The following TGFBRAP1 variants were observed in gnomAD, a reference collection of about 807,000 sequenced individuals.
TGFBRAP1 encodes transforming growth factor-beta receptor-associated protein 1.
A neutral mutation model predicts 83.2 loss-of-function variants in TGFBRAP1; 20 were observed. The observed-to-expected ratio is 0.24, with a 90% CI of 0.17 to 0.35. TGFBRAP1 has a LOEUF of 0.35. Ranked by LOEUF, TGFBRAP1 falls within the 10% of genes least tolerant of loss-of-function variation. The pLI is 1.00. For missense variants in TGFBRAP1, 950 were observed against 1,099.4 expected (o/e 0.86, Z 1.92); for synonymous variants, 415 against 459.8 (o/e 0.90, Z 1.25).
chr2:105,283,420 G>A (rs757011323), intron 5 of TGFBRAP1, among the ~76,000 whole-genome samples: 13 of 152,338 alleles, frequency 8.5e-5, no homozygotes, highest in Non-Finnish European at 1.6e-4. Flanking sequence ...AGGCAAGGGA[G>A]GCATTCTGCT....
intron 4 of TGFBRAP1, among the ~76,000 whole-genome samples, chr2:105,294,907 T>G (rs558273542): frequency 5.5e-4 from 81 of 148,100 alleles, no homozygotes; most frequent in African/African-American, 2.0e-3. Flanking sequence ...AACCTTGGAA[T>G]GTGGCCCCCC....
At chr2:105,325,552 C>T (rs1679202534) in intron 1 of TGFBRAP1, among the ~76,000 whole-genome samples, 2 of 152,114 alleles carry the variant, frequency 1.3e-5, no homozygotes, top group Admixed American at 1.3e-4. Flanking sequence ...AAAGCAACAA[C>T]TCTCAGCAGG....
intron 2 of TGFBRAP1, among the ~76,000 whole-genome samples, chr2:105,302,009 T>TAAAAAAAAAAAAAAAAAAAAAACA (rs35548542): frequency 2.7e-5 from 2 of 75,112 alleles, no homozygotes; most frequent in South Asian, 5.4e-4. Context: ...TAAAGAATAC[T>TAAAAAAAAAAAAAAAAAAAAAACA]AAAAAAAAAA....
chr2:105,298,707 TAGA>T lies in TGFBRAP1; in HGVS notation c.689-5_689-3del. The stretch of plus-strand genomic sequence containing the variant: ...TCCCTGCGACTGTGGCAAACATGCC[TAGA>T]AGTAAGAAGAAAGAGTTAGGTAGGC... On this transcript the variant is annotated splice_region_variant and splice_polypyrimidine_tract_variant and intron_variant, in intron 2 of 11. Coordinates refer to ENST00000393359, the MANE Select transcript of TGFBRAP1 (RefSeq NM_004257.6). 1 of 1,564,670 alleles carries T rather than the reference TAGA, an allele frequency of 6.4e-7. No homozygotes were observed. The highest frequency in any genetic ancestry group is 8.7e-7 in the Non-Finnish European group (1 of 1,149,310).
intron 4 of TGFBRAP1, among the ~76,000 whole-genome samples, chr2:105,295,806 T>C (rs1678069515): frequency 1.2e-5 from 1 of 84,812 alleles, no homozygotes; most frequent in Non-Finnish European, 2.2e-5. Context: ...CGAGACTCCA[T>C]CTCAAAAAAA....
chr2:105,307,504 C>G, intron 2 of TGFBRAP1, 110 bp downstream of exon 2: 1 of 1,181,748 alleles, frequency 8.5e-7, no homozygotes, highest in Non-Finnish European at 1.2e-6. Flanking sequence ...CACACACGCC[C>G]AATGTCACTG....
chr2:105,254,023 C>G, the TGFBRAP1 span, among the ~76,000 whole-genome samples: 1 of 150,394 alleles, frequency 6.6e-6, no homozygotes, highest in African/African-American at 2.4e-5. Flanking sequence ...TGATATGCCT[C>G]TGATACTTAA....
chr2:105,296,599 G>T, intron 3 of TGFBRAP1, 89 bp from the exon 4 acceptor site: 1 of 1,421,556 alleles, frequency 7.0e-7, no homozygotes, highest in Non-Finnish European at 9.4e-7. Context: ...ATCATTACCT[G>T]ATTTGTTCAA....
At chr2:105,271,137 G>A (rs1214677029) in intron 10 of TGFBRAP1, among the ~76,000 whole-genome samples, 1 of 152,210 alleles carries the variant, frequency 6.6e-6, no homozygotes, top group African/African-American at 2.4e-5. Context: ...TCCACCCCAA[G>A]GCACAGCTCG....
the TGFBRAP1 span, among the ~76,000 whole-genome samples, chr2:105,250,193 T>G: frequency 6.6e-6 from 1 of 152,196 alleles, no homozygotes; most frequent in East Asian, 1.9e-4. Context: ...CTTATCTGTG[T>G]GAGAAACACT....
At chr2:105,255,798 G>A in the TGFBRAP1 span, among the ~76,000 whole-genome samples, 1 of 152,058 alleles carries the variant, frequency 6.6e-6, no homozygotes, top group Admixed American at 6.6e-5. Flanking sequence ...CCAATCCTAA[G>A]CCTGCTCACC....
rs60031957 is a variant in TGFBRAP1 at position 105,296,756 on chromosome 2, C to CTTTTTTTTTTTTTT, written c.884-260_884-247dup. ...ATAATATCTTGCTTTCTTTTTTTGC[C>CTTTTTTTTTTTTTT]TTTTTTTTTTTTTTTTTTTTTTTTT... On this transcript the variant is annotated intron_variant, in intron 3 of 11. Transcript: ENST00000393359. Among the ~76,000 whole-genome samples, 14 of 73,214 alleles carry CTTTTTTTTTTTTTT rather than the reference C, an allele frequency of 1.9e-4. 1 individual carries two copies. The highest frequency in any genetic ancestry group is 9.5e-4 in the East Asian group (2 of 2,096). The allele number at this position is 73,214 out of a possible 152,430, so 48.0% of individuals were successfully genotyped here. A position where few individuals can be genotyped will look rare whatever the true frequency, so the allele number is the denominator to read the frequency against.
chr2:105,267,536 G>A lies in TGFBRAP1; in HGVS notation c.2430C>T (p.Ile810=). 6.2e-7 allele frequency: 1 copy of A among 1,614,204 alleles called. No individual in the cohort carries two copies. The highest frequency in any genetic ancestry group is 8.5e-7 in the Non-Finnish European group (1 of 1,180,040). ...GACAAAGCTTTTTGTCTGAGAGTTG[G>A]ATTGAGCTTCCTTTCAACTTCATCT... ...YDKMKLKGSS[I]QLSDKKLCQI... The change falls in exon 12 of 12, where the codon ATC becomes ATT. Residue 810 remains isoleucine, a synonymous_variant. Coordinates refer to ENST00000393359, the MANE Select transcript of TGFBRAP1 (RefSeq NM_004257.6).
chr2:105,276,473 A>G (rs1320940779), intron 7 of TGFBRAP1, among the ~76,000 whole-genome samples: 1 of 152,222 alleles, frequency 6.6e-6, no homozygotes, highest in Non-Finnish European at 1.5e-5. Flanking sequence ...GAATTCTGGA[A>G]TTCTGATGTC....
At chr2:105,292,090 G>A (rs954472167) in intron 4 of TGFBRAP1, among the ~76,000 whole-genome samples, 2 of 152,160 alleles carry the variant, frequency 1.3e-5, no homozygotes, top group East Asian at 1.9e-4. Flanking sequence ...AAGAGACAGT[G>A]TCCCCATATT....
At chr2:105,308,521 T>TACACAC (rs149766409) in intron 1 of TGFBRAP1, among the ~76,000 whole-genome samples, 1 of 151,402 alleles carries the variant, frequency 6.6e-6, no homozygotes, top group Non-Finnish European at 1.5e-5. Flanking sequence ...CACAGACACA[T>TACACAC]ACACACACAC....
chr2:105,273,080 CCT>C (rs753617869), intron 9 of TGFBRAP1, 66 bp from the exon 10 acceptor site: 34 of 1,572,666 alleles, frequency 2.2e-5, no homozygotes, highest in South Asian at 4.6e-5. Context: ...AAAGCTCTCC[CCT>C]GTCAGCCAGG....
At position 105,283,247 on chromosome 2, in the gene TGFBRAP1, G is replaced by A. The variant is rs1015240592; in HGVS notation, c.1121+1069C>T. ...AGTTATATGGGGCATCATTATTCAAGGAATGATTCCTCCTTTACTTAGAAA... is the reference window on the plus strand; with the variant it reads ...AGTTATATGGGGCATCATTATTCAAAGAATGATTCCTCCTTTACTTAGAAA... On this transcript the variant is annotated intron_variant, in intron 5 of 11. Transcript: ENST00000393359. Among the ~76,000 whole-genome samples, 5 of 152,204 alleles carry A rather than the reference G, an allele frequency of 3.3e-5. No individual in the cohort carries two copies. The East Asian group carries it at 9.6e-4, about 29-fold the overall frequency.
intron 5 of TGFBRAP1, among the ~76,000 whole-genome samples, chr2:105,284,010 A>G (rs1332709185): frequency 2.6e-5 from 4 of 152,168 alleles, no homozygotes; most frequent in Non-Finnish European, 5.9e-5. Flanking sequence ...TTTGCGTGCT[A>G]TCAGATCCGC....
Sources: allele counts gnomAD v4.1 joint callset (sites outside exome capture counted in the v4.1 genomes callset), GRCh38; gene constraint gnomAD v4.1.1; transcripts MANE v1.5; gene names NCBI Gene and HGNC (gene_info 2026-07-23, HGNC 2026-07-21).